ERCC1: variants seen among roughly 807,000 people sequenced by gnomAD.
ERCC1 encodes the protein DNA excision repair protein ERCC-1.
ERCC1 carries 36 observed loss-of-function variants against 37.6 expected under a neutral mutation model. The ratio of observed to expected loss-of-function variants is 0.96; its 90% CI spans 0.73 to 1.26. The LOEUF (loss-of-function observed/expected upper bound fraction) is 1.26, where lower values mean the gene tolerates loss of function less well. ERCC1 is among the 50% of genes most tolerant of loss of function. The probability of loss-of-function intolerance (pLI) is 0.00; values close to 1 mark genes in which losing one functional copy is unlikely to be tolerated. For synonymous variants in ERCC1, 156 were observed against 162.1 expected (o/e 0.96, Z 0.28); for missense variants, 349 against 376.5 (o/e 0.93, Z 0.60).
chr19:45,424,533 A>G (rs1196285036), upstream of ERCC1, among the ~76,000 whole-genome samples: 1 of 152,218 alleles, frequency 6.6e-6, no homozygotes, highest in Non-Finnish European at 1.5e-5. Context: ...CACTTCCTGA[A>G]AGGATAGTAT....
chr19:45,414,891 C>T lies in ERCC1; in HGVS notation c.672G>A (p.Met224Ile). The T allele has an allele frequency of 6.2e-7, 1 of 1,613,818 alleles. No homozygotes were observed. The highest frequency in any genetic ancestry group is 8.5e-7 in the Non-Finnish European group (1 of 1,179,790). Reference protein sequence around the residue: ...AYEQKPADLLMEKLEQDFVSR... With the variant: ...AYEQKPADLLIEKLEQDFVSR... ...AGACGAAGTCCTGCTCTAGCTTCTC[C>T]ATCAGGAGGTCCGCTGGTTTCTGCT... Residue 224 changes from methionine (M) to isoleucine (I), a missense_variant, in exon 7 of 10, where the codon ATG becomes ATA. Coordinates refer to ENST00000300853, the MANE Select transcript of ERCC1 (RefSeq NM_001983.4).
At chr19:45,431,856 C>A (rs1325620115) in intron 1 of ERCC1, among the ~76,000 whole-genome samples, 1 of 152,112 alleles carries the variant, frequency 6.6e-6, no homozygotes, top group Non-Finnish European at 1.5e-5. Flanking sequence ...ATACCCCTGG[C>A]ACCCCAGCCT....
At position 45,407,480 on chromosome 19, in the gene ERCC1, G is replaced by C. The variant is rs929019825; in HGVS notation, c.*2195C>G. 6.3e-6 allele frequency: 3 copies of C among 478,040 alleles called. No homozygotes were observed. The highest frequency in any genetic ancestry group is 1.1e-5 in the Non-Finnish European group (3 of 274,228). The allele number at this position is 478,040 out of a possible 1,614,324, so 29.6% of individuals were successfully genotyped here. Reference sequence around the variant, plus strand: ...ACTATAGTTAAACTTGGAGTGTGCAGATAAGCTCACTAAAGGTAGGGGCTA... The same window carrying C: ...ACTATAGTTAAACTTGGAGTGTGCACATAAGCTCACTAAAGGTAGGGGCTA... On this transcript the variant is annotated 3_prime_UTR_variant, in exon 10 of 10. Coordinates refer to ENST00000300853, the MANE Select transcript of ERCC1 (RefSeq NM_001983.4).
At chr19:45,435,584 TC>T (rs1974954547) in intron 1 of ERCC1, among the ~76,000 whole-genome samples, 1 of 152,074 alleles carries the variant, frequency 6.6e-6, no homozygotes, top group Non-Finnish European at 1.5e-5. Context: ...TACCTCAGCC[TC>T]ACAAGTAGCT....
At chr19:45,430,694 T>C (rs1012716247) in intron 1 of ERCC1, among the ~76,000 whole-genome samples, 2 of 151,986 alleles carry the variant, frequency 1.3e-5, no homozygotes, top group African/African-American at 4.8e-5. Context: ...ATCAGGCGGA[T>C]CACGTGAGGT....
chr19:45,433,255 A>G (rs1974881162), intron 1 of ERCC1, among the ~76,000 whole-genome samples: 2 of 150,468 alleles, frequency 1.3e-5, no homozygotes, highest in Admixed American at 6.6e-5. Context: ...GCCGGGCACA[A>G]TGCCTCATGC....
chr19:45,438,547 G>A (rs1975040841), intron 1 of ERCC1, among the ~76,000 whole-genome samples: 1 of 152,112 alleles, frequency 6.6e-6, no homozygotes, highest in Admixed American at 6.6e-5. Flanking sequence ...TGCAACCTTT[G>A]CCTCCCATGC....
intron 1 of ERCC1, among the ~76,000 whole-genome samples, chr19:45,434,095 G>C (rs992809218): frequency 1.4e-5 from 2 of 142,590 alleles, no homozygotes; most frequent in Non-Finnish European, 3.0e-5. Context: ...AGTGAGCCGA[G>C]ATTGTGCCAC....
upstream of ERCC1, among the ~76,000 whole-genome samples, chr19:45,424,590 G>GT: frequency 6.6e-6 from 1 of 152,210 alleles, no homozygotes; most frequent in East Asian, 1.9e-4. Flanking sequence ...GAAATGGAAT[G>GT]TTTTTTGTGA....
intron 9 of ERCC1, among the ~76,000 whole-genome samples, chr19:45,412,406 G>A (rs112890607): frequency 0.019 from 2,893 of 152,216 alleles, 91 homozygotes; most frequent in African/African-American, 0.066. Context: ...TGATCTGCCC[G>A]CCTCGGCCTC....
At chr19:45,427,849 G>T (rs966636795), upstream of ERCC1, among the ~76,000 whole-genome samples, 2 of 152,142 alleles carry the variant, frequency 1.3e-5, no homozygotes, top group African/African-American at 4.8e-5. Flanking sequence ...GAACCCAGCG[G>T]GGGCAGGACC....
At position 45,408,504 on chromosome 19, in the gene ERCC1, T is replaced by C. The variant is rs746472221; in HGVS notation, c.*1171A>G. On this transcript the variant is annotated 3_prime_UTR_variant, in exon 10 of 10. Coordinates refer to ENST00000300853, the MANE Select transcript of ERCC1 (RefSeq NM_001983.4). ...ACCTCAGGGAAGAAGAAAAAGGAGATGCAGGTGACAGAGGCCCCAGTCACT... is the reference window on the plus strand; with the variant it reads ...ACCTCAGGGAAGAAGAAAAAGGAGACGCAGGTGACAGAGGCCCCAGTCACT... The C allele has an allele frequency of 8.1e-6, 13 of 1,613,522 alleles. No homozygotes were observed. In the East Asian group the frequency reaches 2.2e-4, roughly 28 times the overall value.
intron 1 of ERCC1, among the ~76,000 whole-genome samples, chr19:45,431,317 T>C (rs1281576380): frequency 6.6e-6 from 1 of 152,176 alleles, no homozygotes; most frequent in African/African-American, 2.4e-5. Flanking sequence ...TGCATGGTGG[T>C]ACATCCCTGT....
intron 9 of ERCC1, 140 bp from the exon 10 acceptor site, chr19:45,409,865 C>G (rs925667250): frequency 7.1e-5 from 37 of 518,742 alleles, no homozygotes; most frequent in African/African-American, 6.8e-4. Context: ...AATCCAGTTA[C>G]AATCTTTTTA....
rs1266336975 is a variant in ERCC1, at chr19:45,408,628, G to A, written c.*1047C>T. On this transcript the variant is annotated 3_prime_UTR_variant, in exon 10 of 10. Coordinates refer to ENST00000300853, the MANE Select transcript of ERCC1 (RefSeq NM_001983.4). ...AGAAGAAGAAGAAAAAAAATCAGCAGCTGAAAGAACCAGAGGCAGCAGGGC... is the reference window on the plus strand; with the variant it reads ...AGAAGAAGAAGAAAAAAAATCAGCAACTGAAAGAACCAGAGGCAGCAGGGC... 1.2e-6 allele frequency: 2 copies of A among 1,613,740 alleles called. No individual in the cohort carries two copies. The highest frequency in any genetic ancestry group is 1.7e-6 in the Non-Finnish European group (2 of 1,180,018).
intron 1 of ERCC1, chr19:45,449,067 G>T (rs7245625): frequency 0.11 from 16,879 of 152,234 alleles, 985 homozygotes; most frequent in African/African-American, 0.15. Flanking sequence ...CCCAGTGAGA[G>T]GGGACCCCTC....
intron 1 of ERCC1, among the ~76,000 whole-genome samples, chr19:45,434,714 C>A (rs999256959): frequency 2.0e-5 from 3 of 151,670 alleles, no homozygotes; most frequent in Admixed American, 1.3e-4. Flanking sequence ...GCCTCCCGAG[C>A]AGCTGGGACT....
chr19:45,424,816 G>A (rs1360779653), upstream of ERCC1, among the ~76,000 whole-genome samples: 1 of 151,076 alleles, frequency 6.6e-6, no homozygotes, highest in African/African-American at 2.4e-5. Flanking sequence ...GAAGTTATTT[G>A]TGTTTATGCG....
chr19:45,418,435 G>A (rs1974192958), intron 5 of ERCC1, among the ~76,000 whole-genome samples: 3 of 152,040 alleles, frequency 2.0e-5, no homozygotes, highest in South Asian at 4.1e-4. Context: ...CAGGAGAATC[G>A]TTTGAACCCA....
Sources: gnomAD v4.1 joint callset for allele counts (sites outside exome capture counted in the v4.1 genomes callset) on GRCh38, gnomAD v4.1.1 for gene constraint, MANE v1.5 for transcripts, NCBI Gene and HGNC (gene_info 2026-07-23, HGNC 2026-07-21) for gene names.